DNER: variants seen among roughly 807,000 people sequenced by gnomAD.
The protein encoded by DNER is delta and Notch-like epidermal growth factor-related receptor.
In DNER, 33 loss-of-function variants were observed where a neutral mutation model predicts 78.2. The observed-to-expected ratio is 0.42, with a 90% CI of 0.32 to 0.56. The LOEUF (loss-of-function observed/expected upper bound fraction) is 0.56, where lower values mean the gene tolerates loss of function less well. Among genes scored for constraint, DNER ranks in the 20% least tolerant of loss-of-function variants. The pLI is 0.11. For synonymous variants in DNER, 417 were observed against 384.8 expected, an observed-to-expected ratio of 1.08 and a Z score of -0.98; for missense variants, 918 against 975.3, an observed-to-expected ratio of 0.94 and a Z score of 0.78.
chr2:229,389,333 C>T (rs549762280), intron 10 of DNER, among the ~76,000 whole-genome samples: 1 of 143,206 alleles, frequency 7.0e-6, no homozygotes, highest in South Asian at 2.1e-4. Flanking sequence ...GATTTTAAAG[C>T]CATCATTAAG....
intron 5 of DNER, among the ~76,000 whole-genome samples, chr2:229,540,877 G>C (rs1192756638): frequency 6.6e-6 from 1 of 152,184 alleles, no homozygotes; most frequent in South Asian, 2.1e-4. Flanking sequence ...AGGATGGTGG[G>C]TTCCTAAGGC....
intron 6 of DNER, among the ~76,000 whole-genome samples, chr2:229,486,046 G>T (rs114710090): frequency 0.033 from 4,949 of 152,228 alleles, 118 homozygotes; most frequent in Non-Finnish European, 0.054. Context: ...CACCCTGGGG[G>T]GATCTGAGCA....
intron 5 of DNER, among the ~76,000 whole-genome samples, chr2:229,517,104 C>T (rs1284526677): frequency 5.3e-5 from 7 of 133,182 alleles, no homozygotes; most frequent in Admixed American, 2.4e-4. Flanking sequence ...AGTGAGACTC[C>T]GTCTCAAAAA....
intron 10 of DNER, among the ~76,000 whole-genome samples, chr2:229,400,094 T>A (rs1315988105): frequency 6.6e-6 from 1 of 151,980 alleles, no homozygotes; most frequent in Admixed American, 6.6e-5. Flanking sequence ...GATACTGAAA[T>A]TGAACAATTA....
At chr2:229,624,719 C>T (rs941764760) in intron 1 of DNER, among the ~76,000 whole-genome samples, 1 of 152,164 alleles carries the variant, frequency 6.6e-6, no homozygotes, top group African/African-American at 2.4e-5. Flanking sequence ...AACCCGAAAT[C>T]GTTTTTCTCT....
intron 8 of DNER, among the ~76,000 whole-genome samples, chr2:229,421,030 A>C (rs1693753511): frequency 6.6e-6 from 1 of 152,240 alleles, no homozygotes; most frequent in African/African-American, 2.4e-5. Flanking sequence ...GTCCATTGAC[A>C]GAAGAACGGA....
chr2:229,650,785 T>C (rs532340242), intron 1 of DNER, among the ~76,000 whole-genome samples: 4 of 152,290 alleles, frequency 2.6e-5, no homozygotes, highest in Admixed American at 1.3e-4. Context: ...CCTCACCTGA[T>C]GGTGTCTGGT....
At chr2:229,453,044 G>A (rs1301560443) in intron 7 of DNER, among the ~76,000 whole-genome samples, 1 of 152,186 alleles carries the variant, frequency 6.6e-6, no homozygotes, top group Non-Finnish European at 1.5e-5. Context: ...TTGAACCAAG[G>A]GGAATTGGAT....
intron 5 of DNER, among the ~76,000 whole-genome samples, chr2:229,542,775 CAAAAAAA>C (rs56738752): frequency 3.4e-5 from 3 of 88,266 alleles, no homozygotes; most frequent in Non-Finnish European, 2.4e-5. Context: ...CCCAAGTAGG[CAAAAAAA>C]AAAAAAAAAA....
chr2:229,620,575 C>T (rs72991649), intron 1 of DNER, among the ~76,000 whole-genome samples: 3,346 of 152,304 alleles, frequency 0.022, 49 homozygotes, highest in Middle Eastern at 0.034. Context: ...CTCGGTAGCT[C>T]CTGCAGACAC....
At chr2:229,584,152 C>T (rs1697453157) in intron 4 of DNER, among the ~76,000 whole-genome samples, 1 of 151,954 alleles carries the variant, frequency 6.6e-6, no homozygotes, top group Admixed American at 6.6e-5. Flanking sequence ...TAGTGTACAC[C>T]AGAAAAAAAT....
intron 4 of DNER, among the ~76,000 whole-genome samples, chr2:229,551,835 G>A (rs1377179646): frequency 6.6e-6 from 1 of 151,592 alleles, no homozygotes; most frequent in Non-Finnish European, 1.5e-5. Flanking sequence ...GGGAGGCTGA[G>A]GCAGGAGAAT....
intron 12 of DNER, among the ~76,000 whole-genome samples, chr2:229,360,746 TG>T (rs1692192326): frequency 6.6e-6 from 1 of 152,012 alleles, no homozygotes; most frequent in East Asian, 1.9e-4. Context: ...CTCTCAAGAG[TG>T]AGCCACATGG....
chr2:229,650,154 G>A (rs955024771), intron 1 of DNER, among the ~76,000 whole-genome samples: 2 of 150,808 alleles, frequency 1.3e-5, no homozygotes, highest in South Asian at 4.2e-4. Flanking sequence ...TGAAATAAAC[G>A]CAAGAAACCT....
intron 7 of DNER, among the ~76,000 whole-genome samples, chr2:229,473,318 A>G (rs1333030725): frequency 6.6e-6 from 1 of 152,244 alleles, no homozygotes; most frequent in African/African-American, 2.4e-5. Context: ...GGTTACAAAG[A>G]TAATCTTTAA....
rs113814785 is a variant in DNER, at chr2:229,393,137, A to G, written c.1724-4741T>C. 1.4e-4 allele frequency among the ~76,000 whole-genome samples: 21 copies of G among 152,336 alleles called. No individual in the cohort carries two copies. The East Asian group carries it at 2.3e-3, about 17-fold the overall frequency. On this transcript the variant is annotated intron_variant, in intron 10 of 12. Transcript: ENST00000341772. ...TATCTGAAATTGTTTTTAGAACCCA[A>G]TGGTCTTAATAGTAGACTAGTGACT...
intron 8 of DNER, among the ~76,000 whole-genome samples, chr2:229,425,141 T>A (rs6749306): frequency 6.6e-6 from 1 of 152,162 alleles, no homozygotes; most frequent in African/African-American, 2.4e-5. Context: ...CATAACACAG[T>A]CCATGGGGTG....
intron 7 of DNER, among the ~76,000 whole-genome samples, chr2:229,458,135 CAAAAA>C (rs61340733): frequency 3.4e-4 from 6 of 17,714 alleles, no homozygotes; most frequent in Admixed American, 1.1e-3. Context: ...GACTCTATCT[CAAAAA>C]AAAAAAAAAA....
At chr2:229,668,612 T>C (rs920772962) in intron 1 of DNER, among the ~76,000 whole-genome samples, 4 of 137,140 alleles carry the variant, frequency 2.9e-5, no homozygotes, top group Non-Finnish European at 4.6e-5. Flanking sequence ...AACAAACATA[T>C]GAAAAAAAGC....
Sources: allele counts gnomAD v4.1 joint callset (sites outside exome capture counted in the v4.1 genomes callset), GRCh38; gene constraint gnomAD v4.1.1; transcripts MANE v1.5; gene names NCBI Gene and HGNC (gene_info 2026-07-23, HGNC 2026-07-21).